Variants in NSMCE2 observed in about 807,000 individuals in gnomAD.
The protein encoded by NSMCE2 is NSE2 SUMO ligase component of SMC5/6 complex.
A neutral mutation model predicts 23.8 loss-of-function variants in NSMCE2; 24 were observed. The ratio of observed to expected loss-of-function variants is 1.01; its 90% confidence interval spans 0.73 to 1.42. The LOEUF (loss-of-function observed/expected upper bound fraction) is 1.42. NSMCE2 is among the 40% of genes most tolerant of loss of function. The pLI is 0.00. For missense variants in NSMCE2, 284 were observed against 296.5 expected, an observed-to-expected ratio of 0.96 and a Z score of 0.31; for synonymous variants, 92 against 94.1, an observed-to-expected ratio of 0.98 and a Z score of 0.13.
chr8:125,301,450 G>A (rs1021764206), intron 5 of NSMCE2, among the ~76,000 whole-genome samples: 30 of 151,948 alleles, frequency 2.0e-4, no homozygotes, highest in Non-Finnish European at 3.7e-4. Context: ...AATAATAATC[G>A]TACCTCACTA....
rs1819145685 is a variant in NSMCE2 at position 125,118,951 on chromosome 8, C to T, written c.157+16464C>T. On this transcript the variant is annotated intron_variant, in intron 3 of 7. Coordinates refer to ENST00000287437, the MANE Select transcript of NSMCE2 (RefSeq NM_173685.4). Reference sequence around the variant, plus strand: ...TTTTGTTATCGATTACATTTTAAAACCACTTTTAAAAGACTTATACATATT... The same window carrying T: ...TTTTGTTATCGATTACATTTTAAAATCACTTTTAAAAGACTTATACATATT... 4.6e-5 allele frequency among the ~76,000 whole-genome samples: 7 copies of T among 152,256 alleles called. No homozygotes were observed. The South Asian group carries it at 1.5e-3, about 32-fold the overall frequency.
In NSMCE2 at chr8:125,269,732, A is replaced by G. The variant is rs1827096713; in HGVS notation, c.418+87476A>G. ...AGCAAATCGTTTAAGTCTGTGTTGC[A>G]GAGGATAACTTACTTCACATGAATC... On this transcript the variant is annotated intron_variant, in intron 5 of 7. Coordinates refer to ENST00000287437, the MANE Select transcript of NSMCE2 (RefSeq NM_173685.4). Among the ~76,000 whole-genome samples the G allele has an allele frequency of 2.0e-5, 3 of 152,366 alleles. No homozygotes were observed. In the South Asian group the frequency reaches 6.2e-4, roughly 32 times the overall value.
chr8:125,139,586 G>C (rs980753532), intron 3 of NSMCE2, among the ~76,000 whole-genome samples: 9 of 152,094 alleles, frequency 5.9e-5, no homozygotes, highest in African/African-American at 1.9e-4. Flanking sequence ...CCTGTGCAGG[G>C]CAACTCTCCT....
chr8:125,304,802 C>T (rs377586716), intron 5 of NSMCE2, among the ~76,000 whole-genome samples: 2 of 149,980 alleles, frequency 1.3e-5, no homozygotes, highest in South Asian at 2.1e-4. Flanking sequence ...CGATGAGAAT[C>T]GCTTGAACCC....
intron 5 of NSMCE2, among the ~76,000 whole-genome samples, chr8:125,218,958 C>G (rs1313140164): frequency 6.6e-6 from 1 of 152,144 alleles, no homozygotes; most frequent in Non-Finnish European, 1.5e-5. Context: ...TCCATTTGGT[C>G]TCTGCAGACC....
chr8:125,338,637 A>G (rs902706928), intron 5 of NSMCE2, among the ~76,000 whole-genome samples: 1 of 152,246 alleles, frequency 6.6e-6, no homozygotes, highest in African/African-American at 2.4e-5. Flanking sequence ...TACAGCTAAC[A>G]TCATGCAAGA....
At chr8:125,318,314 G>T (rs1054443445) in intron 5 of NSMCE2, among the ~76,000 whole-genome samples, 1 of 152,104 alleles carries the variant, frequency 6.6e-6, no homozygotes, top group African/African-American at 2.4e-5. Flanking sequence ...GAGGTGGGAA[G>T]ATCACTTGAG....
intron 7 of NSMCE2, among the ~76,000 whole-genome samples, chr8:125,364,830 G>T (rs1586825641): frequency 6.6e-6 from 1 of 152,258 alleles, no homozygotes. Context: ...TAACTCAGAG[G>T]CAAGGGAGGC....
chr8:125,115,843 A>G, intron 3 of NSMCE2, among the ~76,000 whole-genome samples: 1 of 152,228 alleles, frequency 6.6e-6, no homozygotes, highest in Non-Finnish European at 1.5e-5. Context: ...GAAGTAGGTG[A>G]AGAAAAGGGA....
chr8:125,351,115 G>A (rs1045476494), intron 5 of NSMCE2, among the ~76,000 whole-genome samples: 8 of 152,180 alleles, frequency 5.3e-5, no homozygotes, highest in Non-Finnish European at 1.2e-4. Flanking sequence ...TTGGCTTTGA[G>A]CAACTCGGTG....
At chr8:125,172,333 T>C (rs1822262372) in intron 4 of NSMCE2, among the ~76,000 whole-genome samples, 1 of 152,202 alleles carries the variant, frequency 6.6e-6, no homozygotes, top group Admixed American at 6.5e-5. Flanking sequence ...GCAATATCAC[T>C]CCTAAAGTGA....
intron 5 of NSMCE2, among the ~76,000 whole-genome samples, chr8:125,184,756 A>T (rs1823011628): frequency 1.3e-5 from 2 of 152,092 alleles, no homozygotes; most frequent in African/African-American, 2.4e-5. Context: ...CTTTCTTTAG[A>T]TTTAACACTG....
chr8:125,125,979 C>T (rs1385482500), intron 3 of NSMCE2, among the ~76,000 whole-genome samples: 4 of 152,076 alleles, frequency 2.6e-5, no homozygotes, highest in Non-Finnish European at 5.9e-5. Flanking sequence ...CTGACCTTTG[C>T]CATGGAGGAA....
chr8:125,304,938 A>G (rs1161311851), intron 5 of NSMCE2, among the ~76,000 whole-genome samples: 1 of 134,272 alleles, frequency 7.4e-6, no homozygotes, highest in African/African-American at 2.8e-5. Flanking sequence ...AAGGAAAGAA[A>G]GGAAGGAAGG....
chr8:125,288,020 C>T (rs1340839356), intron 5 of NSMCE2, among the ~76,000 whole-genome samples: 1 of 152,166 alleles, frequency 6.6e-6, no homozygotes, highest in Non-Finnish European at 1.5e-5. Flanking sequence ...GAGACAGGGT[C>T]TCGGTATGTT....
intron 5 of NSMCE2, among the ~76,000 whole-genome samples, chr8:125,312,809 G>A (rs1290212122): frequency 6.6e-6 from 1 of 152,130 alleles, no homozygotes; most frequent in Non-Finnish European, 1.5e-5. Context: ...GCAGGAGACA[G>A]GTGGCTAGTG....
chr8:125,185,162 T>G (rs1823034079), intron 5 of NSMCE2, among the ~76,000 whole-genome samples: 1 of 152,182 alleles, frequency 6.6e-6, no homozygotes, highest in East Asian at 1.9e-4. Context: ...CAGCTTGCAA[T>G]GAAGTTGTCT....
At chr8:125,332,907 T>C (rs541990213) in intron 5 of NSMCE2, among the ~76,000 whole-genome samples, 1 of 152,350 alleles carries the variant, frequency 6.6e-6, no homozygotes, top group African/African-American at 2.4e-5. Context: ...TACCCTGCAA[T>C]GTGCTTGGAA....
intron 5 of NSMCE2, among the ~76,000 whole-genome samples, chr8:125,263,705 A>C (rs1243392760): frequency 1.3e-5 from 2 of 151,866 alleles, no homozygotes; most frequent in Admixed American, 1.3e-4. Flanking sequence ...AGCCGAGATC[A>C]TGGCACTGCA....
Sources: gnomAD v4.1 joint callset for allele counts (sites outside exome capture counted in the v4.1 genomes callset) on GRCh38, gnomAD v4.1.1 for gene constraint, MANE v1.5 for transcripts, NCBI Gene and HGNC (gene_info 2026-07-23, HGNC 2026-07-21) for gene names.